GRM5: variants seen among roughly 807,000 people sequenced by gnomAD.
GRM5 encodes glutamate metabotropic receptor 5.
GRM5 carries 19 observed loss-of-function variants against 83.1 expected under a neutral mutation model. The ratio of observed to expected loss-of-function variants is 0.23; its 90% confidence interval spans 0.16 to 0.34. GRM5 has a LOEUF of 0.34. Among genes scored for constraint, GRM5 ranks in the 10% least tolerant of loss-of-function variants. The pLI is 1.00. For synonymous variants in GRM5, 675 were observed against 633.6 expected, an observed-to-expected ratio of 1.07 and a Z score of -0.98; for missense variants, 1,160 against 1,588.3, an observed-to-expected ratio of 0.73 and a Z score of 4.58.
intron 8 of GRM5, among the ~76,000 whole-genome samples, chr11:88,535,782 G>A (rs1462679177): frequency 1.3e-5 from 2 of 152,112 alleles, no homozygotes; most frequent in African/African-American, 4.8e-5. Context: ...ACATGTGTGT[G>A]AGTGTATATA....
At chr11:88,874,902 A>C (rs1476097324) in intron 2 of GRM5, among the ~76,000 whole-genome samples, 1 of 151,986 alleles carries the variant, frequency 6.6e-6, no homozygotes, top group East Asian at 1.9e-4. Context: ...TTTAATTTTA[A>C]AATATGCTGA....
chr11:88,619,535 C>G (rs920207099), intron 4 of GRM5, among the ~76,000 whole-genome samples: 1 of 152,148 alleles, frequency 6.6e-6, no homozygotes, highest in Admixed American at 6.6e-5. Context: ...ACCAAGAGGA[C>G]TTCCCTAAAG....
intron 3 of GRM5, among the ~76,000 whole-genome samples, chr11:88,674,488 G>A (rs982148668): frequency 3.3e-5 from 5 of 151,864 alleles, no homozygotes; most frequent in African/African-American, 1.2e-4. Context: ...GCTTGCTCCA[G>A]AGGAACCTCC....
Position 88,508,756 on chromosome 11 carries a change from C to T in GRM5, c.3475G>A (p.Glu1159Lys), listed in dbSNP as rs1256505014. 1.3e-6 allele frequency: 2 copies of T among 1,544,868 alleles called. No homozygotes were observed. The highest frequency in any genetic ancestry group is 1.2e-5 in the South Asian group (1 of 82,758). The change falls in exon 10 of 10, where the codon GAG becomes AAG. Residue 1159 changes from glutamate to lysine, a missense_variant. By Grantham distance (56) the Glu-to-Lys change is moderately conservative (BLOSUM62 1). Transcript: ENST00000305447. This position sits in a 1 kb window ranked among gnomAD's most constrained non-coding sequence, Gnocchi z 4.2. Reference sequence around the variant, plus strand: ...GACGGCGGGGTGAGAGCCACCAGCTCCTCCAGGTCTGGCTTGGCGGCCGCA... The same window carrying T: ...GACGGCGGGGTGAGAGCCACCAGCTTCTCCAGGTCTGGCTTGGCGGCCGCA... ...EAAAAKPDLE[E>K]LVALTPPSPF...
chr11:88,920,158 T>C (rs1343110976), intron 2 of GRM5, among the ~76,000 whole-genome samples: 1 of 151,668 alleles, frequency 6.6e-6, no homozygotes. Flanking sequence ...TTAGCCAGAC[T>C]AAAAACAAAA....
chr11:88,850,325 A>C (rs1419718688), intron 2 of GRM5, among the ~76,000 whole-genome samples, 170 bp from the exon 3 acceptor site: 1 of 152,190 alleles, frequency 6.6e-6, no homozygotes, highest in African/African-American at 2.4e-5. Context: ...ATTTTGGGCA[A>C]ATTACAATTG....
In GRM5 at chr11:88,789,359, A is replaced by G. The variant is rs1212500597; in HGVS notation, c.911+60547T>C. 4.6e-5 allele frequency among the ~76,000 whole-genome samples: 7 copies of G among 152,138 alleles called. No homozygotes were observed. The East Asian group carries it at 7.7e-4, about 17-fold the overall frequency. Reference sequence around the variant, plus strand: ...ATTTAAATAACATAAAAGCAAAGAAAAAAAAGAAAAAAGAAAAAAAGAAAG... The same window carrying G: ...ATTTAAATAACATAAAAGCAAAGAAGAAAAAGAAAAAAGAAAAAAAGAAAG... On this transcript the variant is annotated intron_variant, in intron 3 of 9. Transcript: ENST00000305447.
At chr11:89,035,366 G>T (rs572372305) in intron 2 of GRM5, among the ~76,000 whole-genome samples, 3 of 151,644 alleles carry the variant, frequency 2.0e-5, no homozygotes, top group Non-Finnish European at 4.4e-5. Context: ...ATGTAATTCA[G>T]TAATATATTT....
At chr11:88,744,299 A>C (rs1226413672) in intron 3 of GRM5, among the ~76,000 whole-genome samples, 1 of 152,198 alleles carries the variant, frequency 6.6e-6, no homozygotes, top group East Asian at 1.9e-4. Flanking sequence ...AATACATTAC[A>C]AACAGACAGG....
At chr11:88,529,869 A>C (rs551064170) in intron 8 of GRM5, among the ~76,000 whole-genome samples, 1 of 152,158 alleles carries the variant, frequency 6.6e-6, no homozygotes, top group Non-Finnish European at 1.5e-5. Context: ...TGGATGGTGC[A>C]GTTAACTGAG....
chr11:88,957,710 A>T (rs1353599208), intron 2 of GRM5, among the ~76,000 whole-genome samples: 3 of 152,184 alleles, frequency 2.0e-5, no homozygotes, highest in Non-Finnish European at 4.4e-5. Context: ...ATTTCTCTCT[A>T]TTACATTGAA....
At chr11:88,620,228 G>A in intron 4 of GRM5, among the ~76,000 whole-genome samples, 1 of 152,298 alleles carries the variant, frequency 6.6e-6, no homozygotes, top group East Asian at 1.9e-4. Flanking sequence ...CATTTGTCAT[G>A]TTTATCTTGG....
chr11:89,014,504 T>A (rs2135096855), intron 2 of GRM5, among the ~76,000 whole-genome samples: 1 of 151,984 alleles, frequency 6.6e-6, no homozygotes, highest in South Asian at 2.1e-4. Flanking sequence ...AGTAGAAAAA[T>A]GGTTACCAGA....
intron 2 of GRM5, among the ~76,000 whole-genome samples, chr11:88,956,607 C>A (rs1236427401): frequency 1.3e-5 from 2 of 151,194 alleles, no homozygotes; most frequent in African/African-American, 4.9e-5. Flanking sequence ...GAAATCGAGA[C>A]CATCCTGGCT....
chr11:88,803,288 C>T lies in GRM5; in HGVS notation c.911+46618G>A, dbSNP rs1943435995. The stretch of plus-strand genomic sequence containing the variant: ...TCACGCTACCTGACTTCAAAGTATA[C>T]TACAAGGCTACAGTAACCAAAACAG... On this transcript the variant is annotated intron_variant, in intron 3 of 9. Transcript: ENST00000305447. Among the ~76,000 whole-genome samples the T allele has an allele frequency of 9.2e-5, 14 of 151,828 alleles. No homozygotes were observed. In the South Asian group the frequency reaches 2.7e-3, roughly 29 times the overall value.
At chr11:88,669,556 T>C (rs1034455796) in intron 3 of GRM5, among the ~76,000 whole-genome samples, 1 of 152,170 alleles carries the variant, frequency 6.6e-6, no homozygotes, top group East Asian at 1.9e-4. Flanking sequence ...AGATCTGAAA[T>C]AATCTATAGA....
chr11:88,878,183 A>G (rs1205769890), intron 2 of GRM5, among the ~76,000 whole-genome samples: 1 of 152,116 alleles, frequency 6.6e-6, no homozygotes, highest in Non-Finnish European at 1.5e-5. Context: ...AAAAGCACAG[A>G]TGTTCTTCGA....
At chr11:88,957,233 C>T (rs568383173) in intron 2 of GRM5, among the ~76,000 whole-genome samples, 48 of 152,284 alleles carry the variant, frequency 3.2e-4, no homozygotes, top group Non-Finnish European at 5.7e-4. Context: ...AAAACACATC[C>T]TCAGAAGAAT....
Position 88,567,782 on chromosome 11 carries a change from C to G in GRM5, c.1901G>C (p.Cys634Ser). ...AATCTGTTTGGGCTTCGCAATGAGGCAGAAGGTACATAAGTAGCCCAGGCA... is the reference window on the plus strand; with the variant it reads ...AATCTGTTTGGGCTTCGCAATGAGGGAGAAGGTACATAAGTAGCCCAGGCA... ...GICLGYLCTF[C>S]LIAKPKQIYC... Residue 634 changes from cysteine (C) to serine (S), a missense_variant, in exon 8 of 10, where the codon TGC becomes TCC. Physicochemically the swap from Cys to Ser is moderately radical, Grantham distance 112 (BLOSUM62 -1). Transcript: ENST00000305447. The surrounding 1 kb of genome is among the most constrained non-coding windows in gnomAD (Gnocchi z 7.3). 2 of 1,614,010 alleles carry G rather than the reference C, an allele frequency of 1.2e-6. No homozygotes were observed. The highest frequency in any genetic ancestry group is 1.7e-6 in the Non-Finnish European group (2 of 1,179,900).
Sources: gnomAD v4.1 joint callset for allele counts (sites outside exome capture counted in the v4.1 genomes callset) on GRCh38, gnomAD v4.1.1 for gene constraint, Gnocchi (gnomAD v3.1) non-coding constraint, MANE v1.5 for transcripts, NCBI Gene and HGNC (gene_info 2026-07-23, HGNC 2026-07-21) for gene names.